The following PATL2 variants were observed in gnomAD, a reference collection of about 807,000 sequenced individuals.
PATL2 encodes PAT1 homolog 2, also known as protein PAT1 homolog 2.
In PATL2, 73 loss-of-function variants were observed where a neutral mutation model predicts 77.0. The ratio of observed to expected loss-of-function variants is 0.95; its 90% CI spans 0.78 to 1.15. The LOEUF (loss-of-function observed/expected upper bound fraction) is 1.15. PATL2 is among the 50% of genes most tolerant of loss of function. PATL2 has a pLI of 0.00. For missense variants in PATL2, 618 were observed against 655.4 expected, an observed-to-expected ratio of 0.94 and a Z score of 0.62; for synonymous variants, 265 against 257.1, an observed-to-expected ratio of 1.03 and a Z score of -0.29.
intron 3 of PATL2, among the ~76,000 whole-genome samples, chr15:44,705,811 G>GTTTTTT (rs371254036): frequency 7.4e-6 from 1 of 135,408 alleles, no homozygotes; most frequent in South Asian, 2.2e-4. Context: ...TCAAAACATT[G>GTTTTTT]TTTTTTTTTA....
At chr15:44,671,292 C>A (rs2085662170) in intron 9 of PATL2, among the ~76,000 whole-genome samples, 1 of 152,084 alleles carries the variant, frequency 6.6e-6, no homozygotes, top group African/African-American at 2.4e-5. Context: ...AGTTCAAGAC[C>A]AGCCTATCCA....
chr15:44,675,921 C>T, intron 4 of PATL2: 1 of 508,698 alleles, frequency 2.0e-6, no homozygotes, highest in South Asian at 2.9e-5. Context: ...GTGGCTCGTG[C>T]CTGTAGTCCC....
rs1168794182 is a variant in PATL2, at chr15:44,675,683, T to TA, written c.24dup (p.Lys9Ter). On this transcript the variant is annotated frameshift_variant, in exon 5 of 18. Transcript: ENST00000682850. LOFTEE classifies it high-confidence loss of function. ...TCAGAAGCCAAGGGGCCACAGGTCT[T>TA]ACCTGGCCCTTGGTTTAAGTGTGGG... 5.2e-6 allele frequency: 8 copies of TA among 1,548,756 alleles called. No individual in the cohort carries two copies. The highest frequency in any genetic ancestry group is 6.1e-6 in the Non-Finnish European group (7 of 1,145,504).
chr15:44,674,030 C>T (rs1325176155), intron 6 of PATL2, 120 bp downstream of exon 6: 3 of 937,790 alleles, frequency 3.2e-6, no homozygotes, highest in Non-Finnish European at 4.8e-6. Context: ...GGGGCAACTC[C>T]CACCTCCCAC....
chr15:44,668,889 G>A (rs1333855314), intron 14 of PATL2, 91 bp downstream of exon 14: 9 of 1,394,800 alleles, frequency 6.5e-6, no homozygotes, highest in Non-Finnish European at 7.6e-6. Context: ...CACCTTCTCT[G>A]GCATCTCTGG....
At chr15:44,694,890 A>G (rs1399834310) in intron 3 of PATL2, among the ~76,000 whole-genome samples, 2 of 152,132 alleles carry the variant, frequency 1.3e-5, no homozygotes, top group Non-Finnish European at 2.9e-5. Context: ...CAACCCCAGG[A>G]GGAGCCTTAG....
intron 3 of PATL2, among the ~76,000 whole-genome samples, chr15:44,699,576 G>A (rs2086585142): frequency 6.6e-6 from 1 of 152,164 alleles, no homozygotes; most frequent in Non-Finnish European, 1.5e-5. Flanking sequence ...CTGGTCAAGA[G>A]ATCCACCCAC....
At chr15:44,666,637 T>TG in intron 16 of PATL2, 96 bp from the exon 17 acceptor site, 1 of 1,278,942 alleles carries the variant, frequency 7.8e-7, no homozygotes, top group Non-Finnish European at 1.0e-6. Context: ...CTACTACCAT[T>TG]GTCCCCCACC....
intron 3 of PATL2, among the ~76,000 whole-genome samples, chr15:44,707,829 A>T (rs1368861655): frequency 6.6e-6 from 1 of 152,220 alleles, no homozygotes; most frequent in Admixed American, 6.5e-5. Flanking sequence ...CTTGTGGCCT[A>T]GACTGCCTTT....
intron 3 of PATL2, among the ~76,000 whole-genome samples, chr15:44,677,853 A>T (rs2086024845): frequency 1.3e-5 from 2 of 152,066 alleles, no homozygotes; most frequent in South Asian, 4.1e-4. Context: ...CTTCTCATAT[A>T]TCTTGAGATA....
At chr15:44,679,642 C>T (rs2086088877) in intron 3 of PATL2, among the ~76,000 whole-genome samples, 1 of 150,506 alleles carries the variant, frequency 6.6e-6, no homozygotes, top group South Asian at 2.1e-4. Flanking sequence ...ATCCACCTGC[C>T]TCGGCCTCCA....
rs1245092975 is a variant in PATL2 at position 44,676,906 on chromosome 15, G to A, written c.-75-341C>T. 11 of 1,041,954 alleles carry A rather than the reference G, an allele frequency of 1.1e-5. No individual in the cohort carries two copies. The African/African-American group carries it at 1.5e-4, about 14-fold the overall frequency. The allele number at this position is 1,041,954 out of a possible 1,614,324, so 64.5% of individuals were successfully genotyped here. On this transcript the variant is annotated intron_variant, in intron 3 of 17. Transcript: ENST00000682850. ...GTCCTTTCTGTTTAAGTTATTCATAGCAGCCTGGGCCAGGACCTGTTTGCC... is the reference window on the plus strand; with the variant it reads ...GTCCTTTCTGTTTAAGTTATTCATAACAGCCTGGGCCAGGACCTGTTTGCC...
At chr15:44,666,577 T>G in intron 16 of PATL2, 36 bp from the exon 17 acceptor site, 2 of 1,475,492 alleles carry the variant, frequency 1.4e-6, no homozygotes, top group Non-Finnish European at 1.8e-6. Flanking sequence ...GCAAATAGAT[T>G]TGCTTAAGAA....
chr15:44,674,813 C>T (rs1179365004), intron 5 of PATL2: 1 of 152,088 alleles, frequency 6.6e-6, no homozygotes, highest in Non-Finnish European at 1.5e-5. Context: ...AAGTCCTGGC[C>T]TCTAGCAACC....
chr15:44,696,017 A>T (rs993598557), intron 3 of PATL2, among the ~76,000 whole-genome samples: 1 of 152,240 alleles, frequency 6.6e-6, no homozygotes, highest in Admixed American at 6.5e-5. Context: ...CACAAGCTGG[A>T]AAGTGGGAAG....
In PATL2 at chr15:44,711,310, G is replaced by T; in HGVS notation, c.-544C>A. ...CGCGCACCCCAGATCGGAGGGCGCC[G>T]ATGTACAGACAGCAAACTCACCCAG... On this transcript the variant is annotated 5_prime_UTR_variant, in exon 1 of 18. Coordinates refer to ENST00000682850, the MANE Select transcript of PATL2 (RefSeq NM_001387263.1). 1 of 617,754 alleles carries T rather than the reference G, an allele frequency of 1.6e-6. No individual in the cohort carries two copies. Among genetic ancestry groups the T allele is most frequent in the Non-Finnish European group, 2.9e-6 (1 of 344,030 alleles). The allele number at this position is 617,754 out of a possible 1,614,324, so 38.3% of individuals were successfully genotyped here.
intron 3 of PATL2, among the ~76,000 whole-genome samples, chr15:44,677,407 T>C (rs980152479): frequency 1.3e-5 from 2 of 152,216 alleles, no homozygotes; most frequent in Non-Finnish European, 2.9e-5. Context: ...AATTTGGAAG[T>C]CAGATCTTCA....
intron 7 of PATL2, 116 bp downstream of exon 7, chr15:44,673,119 C>A (rs1270749924): frequency 7.6e-7 from 1 of 1,318,832 alleles, no homozygotes; most frequent in Non-Finnish European, 1.0e-6. Flanking sequence ...TTAGACTATA[C>A]CTCAGACTTC....
At position 44,672,471 on chromosome 15, in the gene PATL2, A is replaced by G; in HGVS notation, c.447-15T>C. 3.2e-6 allele frequency: 5 copies of G among 1,550,098 alleles called. No homozygotes were observed. Among genetic ancestry groups the G allele is most frequent in the Non-Finnish European group, 4.4e-6 (5 of 1,145,570 alleles). On this transcript the variant is annotated splice_polypyrimidine_tract_variant and intron_variant, in intron 7 of 17. Coordinates refer to ENST00000682850, the MANE Select transcript of PATL2 (RefSeq NM_001387263.1). ...GGGTCAGATGACTGGGAAGACAAGAAGTAACGAGCTGGGTGGAAGGAAGCT... is the reference window on the plus strand; with the variant it reads ...GGGTCAGATGACTGGGAAGACAAGAGGTAACGAGCTGGGTGGAAGGAAGCT...
Sources: allele counts gnomAD v4.1 joint callset (sites outside exome capture counted in the v4.1 genomes callset), GRCh38; gene constraint gnomAD v4.1.1; transcripts MANE v1.5; gene names NCBI Gene and HGNC (gene_info 2026-07-23, HGNC 2026-07-21).